Variants in TRPM3 observed in about 807,000 individuals in gnomAD.
The protein encoded by TRPM3 is transient receptor potential cation channel subfamily M member 3, also known as long transient receptor potential channel 3.
In TRPM3, 77 loss-of-function variants were observed where a neutral mutation model predicts 181.2. The observed-to-expected ratio is 0.42, with a 90% CI of 0.35 to 0.51. The LOEUF is 0.51. Ranked by LOEUF, TRPM3 falls within the 20% of genes least tolerant of loss-of-function variation. TRPM3 has a pLI of 0.01. For missense variants in TRPM3, 1,759 were observed against 2,196.7 expected, an observed-to-expected ratio of 0.80 and a Z score of 3.98; for synonymous variants, 745 against 796.4, an observed-to-expected ratio of 0.94 and a Z score of 1.09.
chr9:70,909,960 A>G (rs1390556051), intron 1 of TRPM3, among the ~76,000 whole-genome samples: 2 of 152,198 alleles, frequency 1.3e-5, no homozygotes, highest in African/African-American at 2.4e-5. Flanking sequence ...TGGAGTGTAA[A>G]TTGCTACAAT....
chr9:71,056,432 T>C (rs1029134458), intron 1 of TRPM3, among the ~76,000 whole-genome samples: 3 of 152,042 alleles, frequency 2.0e-5, no homozygotes, highest in African/African-American at 7.2e-5. Flanking sequence ...ATTAGGCTTC[T>C]TATGTCCTGT....
At chr9:71,292,183 C>T (rs549937643) in intron 1 of TRPM3, among the ~76,000 whole-genome samples, 2 of 152,022 alleles carry the variant, frequency 1.3e-5, no homozygotes, top group African/African-American at 2.4e-5. Flanking sequence ...CACAGTACCT[C>T]GAAAGTTGAA....
chr9:71,386,291 T>C (rs1053433297), intron 1 of TRPM3, among the ~76,000 whole-genome samples: 1 of 151,334 alleles, frequency 6.6e-6, no homozygotes, highest in Non-Finnish European at 1.5e-5. Flanking sequence ...TCTACTAAAA[T>C]ACAAAAAATT....
At position 70,809,857 on chromosome 9, in the gene TRPM3, C is replaced by T. The variant is rs138683339; in HGVS notation, c.973+17990G>A. On this transcript the variant is annotated intron_variant, in intron 6 of 25. Coordinates refer to ENST00000677713, the MANE Select transcript of TRPM3 (RefSeq NM_001366145.2). Reference sequence around the variant, plus strand: ...CTGCTTGGATGAAGTTCTACTATGACCTTTAACATACAGTGTTTTTCATCT... The same window carrying T: ...CTGCTTGGATGAAGTTCTACTATGATCTTTAACATACAGTGTTTTTCATCT... 1.7e-4 allele frequency: 82 copies of T among 472,756 alleles called. 3 individuals are homozygous for T. The East Asian group carries it at 4.5e-3, about 26-fold the overall frequency. The allele number at this position is 472,756 out of a possible 1,614,324, so 29.3% of individuals were successfully genotyped here. A position where few individuals can be genotyped will look rare whatever the true frequency, so the allele number is the denominator to read the frequency against.
At chr9:70,841,486 T>TA (rs1554738730) in intron 5 of TRPM3, among the ~76,000 whole-genome samples, 4 of 150,218 alleles carry the variant, frequency 2.7e-5, no homozygotes, top group Non-Finnish European at 4.4e-5. Context: ...AGTGTTTTTT[T>TA]ATTAAGGAAA....
At chr9:71,165,053 C>T (rs964529924) in intron 1 of TRPM3, among the ~76,000 whole-genome samples, 10 of 152,168 alleles carry the variant, frequency 6.6e-5, no homozygotes, top group Non-Finnish European at 1.3e-4. Flanking sequence ...ATTGTCTTTA[C>T]ACCTGGTCAC....
intron 1 of TRPM3, among the ~76,000 whole-genome samples, chr9:71,406,044 G>C (rs1042612135): frequency 6.6e-6 from 1 of 152,162 alleles, no homozygotes; most frequent in East Asian, 1.9e-4. Context: ...AGGAGGCCAA[G>C]GCAGGCAGAT....
chr9:70,580,535 G>A (rs909937844), intron 22 of TRPM3, among the ~76,000 whole-genome samples: 2 of 151,426 alleles, frequency 1.3e-5, no homozygotes, highest in African/African-American at 4.9e-5. Context: ...GGGCTTGGGA[G>A]TACCTCGGAC....
chr9:71,043,662 T>C (rs1047828043), intron 1 of TRPM3, among the ~76,000 whole-genome samples: 1 of 152,234 alleles, frequency 6.6e-6, no homozygotes, highest in Admixed American at 6.5e-5. Context: ...AATTTGCGCC[T>C]GGACTAGCAA....
chr9:71,061,985 C>T (rs1425729073), intron 1 of TRPM3, among the ~76,000 whole-genome samples: 1 of 151,916 alleles, frequency 6.6e-6, no homozygotes, highest in Non-Finnish European at 1.5e-5. Context: ...TCAAATCTTC[C>T]CCTTTGACCA....
Position 71,308,448 on chromosome 9 carries a change from A to G in TRPM3, c.183+138205T>C, listed in dbSNP as rs147182310. ...CAATTTGTGATTACTACATTTATCC[A>G]GGCTTATTAGCAATTCAGGCAGAAT... is the stretch of plus-strand genomic sequence containing the variant. On this transcript the variant is annotated intron_variant, in intron 1 of 24. Coordinates refer to the TRPM3 transcript ENST00000357533. Among the ~76,000 whole-genome samples the G allele has an allele frequency of 8.5e-5, 13 of 152,312 alleles. No individual in the cohort carries two copies. The East Asian group carries it at 2.5e-3, about 29-fold the overall frequency.
chr9:71,099,670 A>C (rs547673338), intron 1 of TRPM3, among the ~76,000 whole-genome samples: 15 of 152,202 alleles, frequency 9.9e-5, no homozygotes, highest in Non-Finnish European at 1.9e-4. Flanking sequence ...CCAGGATAGA[A>C]AATAAGAAAA....
chr9:71,090,913 T>G (rs1286312896), intron 1 of TRPM3, among the ~76,000 whole-genome samples: 4 of 152,154 alleles, frequency 2.6e-5, no homozygotes, highest in Non-Finnish European at 4.4e-5. Flanking sequence ...ATCAGTCATA[T>G]GTAGTGATTT....
chr9:70,640,782 C>A, intron 9 of TRPM3, 122 bp from the exon 10 acceptor site: 2 of 689,854 alleles, frequency 2.9e-6, no homozygotes, highest in South Asian at 2.0e-5. Context: ...GCCTGCTTGG[C>A]TATACAGCAG....
intron 1 of TRPM3, among the ~76,000 whole-genome samples, chr9:71,193,111 A>G (rs1319653412): frequency 6.6e-6 from 1 of 151,876 alleles, no homozygotes; most frequent in African/African-American, 2.4e-5. Context: ...CCCAAAGCTG[A>G]CAGGAAATTA....
chr9:70,817,948 G>A (rs1410908408), intron 6 of TRPM3, among the ~76,000 whole-genome samples: 1 of 151,820 alleles, frequency 6.6e-6, no homozygotes, highest in Non-Finnish European at 1.5e-5. Context: ...AAATATTTTT[G>A]GTTTTTTTTG....
chr9:70,972,974 T>C (rs973933351), intron 1 of TRPM3, among the ~76,000 whole-genome samples: 5 of 152,192 alleles, frequency 3.3e-5, no homozygotes, highest in Non-Finnish European at 7.4e-5. Context: ...TCATATATGA[T>C]ATCTGTATAA....
At chr9:70,862,045 G>T (rs995375550) in intron 3 of TRPM3, among the ~76,000 whole-genome samples, 1 of 151,920 alleles carries the variant, frequency 6.6e-6, no homozygotes, top group Non-Finnish European at 1.5e-5. Flanking sequence ...ATTCATGTGA[G>T]GTGACTTCCC....
chr9:71,156,117 A>T (rs1028544977), intron 1 of TRPM3, among the ~76,000 whole-genome samples: 12 of 152,122 alleles, frequency 7.9e-5, no homozygotes, highest in African/African-American at 2.7e-4. Flanking sequence ...ATATTCTAGC[A>T]GTCACACTCT....
Sources: gnomAD v4.1 joint callset for allele counts (sites outside exome capture counted in the v4.1 genomes callset) on GRCh38, gnomAD v4.1.1 for gene constraint, MANE v1.5 for transcripts, NCBI Gene and HGNC (gene_info 2026-07-23, HGNC 2026-07-21) for gene names.